The following PCSK5 variants were observed in gnomAD, a reference collection of about 807,000 sequenced individuals.
PCSK5 encodes the protein proprotein convertase subtilisin/kexin type 5.
Under a neutral mutation model 233.2 loss-of-function variants are expected in PCSK5, and 129 were observed. The observed-to-expected ratio is 0.55, with a 90% CI of 0.48 to 0.64. PCSK5 has a LOEUF of 0.64. Among genes scored for constraint, PCSK5 ranks in the 30% least tolerant of loss-of-function variants. The pLI, the probability that PCSK5 is intolerant of heterozygous loss-of-function variation, is 0.00. For synonymous variants in PCSK5, 825 were observed against 879.2 expected, an observed-to-expected ratio of 0.94 and a Z score of 1.09; for missense variants, 2,076 against 2,430.1, an observed-to-expected ratio of 0.85 and a Z score of 3.06.
chr9:76,174,512 G>A (rs528823186), intron 13 of PCSK5, among the ~76,000 whole-genome samples: 2 of 151,728 alleles, frequency 1.3e-5, no homozygotes, highest in East Asian at 1.9e-4. Flanking sequence ...GAGTTTCACC[G>A]TGTTAGCCAG....
At chr9:76,351,537 GA>G (rs1830158698) in intron 36 of PCSK5, among the ~76,000 whole-genome samples, 3 of 82,702 alleles carry the variant, frequency 3.6e-5, no homozygotes, top group East Asian at 1.1e-3. Context: ...AGAAAGGAAG[GA>G]AAGAAAGAGA....
intron 3 of PCSK5, among the ~76,000 whole-genome samples, chr9:76,021,490 C>A (rs1320446654): frequency 6.6e-6 from 1 of 152,074 alleles, no homozygotes; most frequent in Non-Finnish European, 1.5e-5. Context: ...AGAGAGAATT[C>A]GGGTTAGTAG....
rs183464586 is a variant in PCSK5 at position 76,323,060 on chromosome 9, C to G, written c.4111C>G (p.Pro1371Ala). The G allele has an allele frequency of 3.6e-5, 58 of 1,593,244 alleles. 1 individual carries two copies. The highest frequency in any genetic ancestry group is 1.9e-4 in the Admixed American group (11 of 57,908). ...CTTCCTCCTTTTCCCAGAGTGCACGCCTGAGTTCTTCCTGCACGATGATAT... is the reference window on the plus strand; with the variant it reads ...CTTCCTCCTTTTCCCAGAGTGCACGGCTGAGTTCTTCCTGCACGATGATAT... ...IHEKTCKECT[P>A]EFFLHDDMCH... Residue 1371 changes from proline to alanine, a missense_variant, in exon 32 of 38, where the codon CCT (proline) becomes GCT (alanine). Physicochemically the swap from Pro to Ala is conservative, Grantham distance 27. Coordinates refer to ENST00000674117, the MANE Select transcript of PCSK5 (RefSeq NM_001372043.1).
chr9:75,928,750 G>A (rs560615166), intron 1 of PCSK5, among the ~76,000 whole-genome samples: 2 of 151,004 alleles, frequency 1.3e-5, no homozygotes, highest in South Asian at 4.2e-4. Context: ...ATAAAGGGTA[G>A]AGATGTCTCA....
At chr9:76,175,407 T>C (rs1474054866) in intron 14 of PCSK5, 2 of 441,866 alleles carry the variant, frequency 4.5e-6, no homozygotes, top group African/African-American at 4.0e-5. Flanking sequence ...ATCAGTGCAC[T>C]CATATATTCA....
At chr9:75,939,066 T>A (rs1169950651) in intron 2 of PCSK5, among the ~76,000 whole-genome samples, 1 of 152,166 alleles carries the variant, frequency 6.6e-6, no homozygotes. Flanking sequence ...ATTCTTTACT[T>A]ACAAGGCTCC....
At chr9:76,329,726 G>C (rs776340037) in intron 33 of PCSK5, among the ~76,000 whole-genome samples, 3 of 151,876 alleles carry the variant, frequency 2.0e-5, no homozygotes, top group African/African-American at 2.4e-5. Context: ...CCAGCTACTC[G>C]GGAGGCTGAG....
rs550518074 is a variant in PCSK5, at chr9:75,994,400, C to CTTTTTTTTTTTTTTTTTTTTTTTTTTT, written c.411+8171_411+8197dup. Among the ~76,000 whole-genome samples the CTTTTTTTTTTTTTTTTTTTTTTTTTTT allele has an allele frequency of 1.2e-4, 10 of 82,058 alleles. 1 individual carries two copies. The highest frequency in any genetic ancestry group is 3.1e-4 in the Admixed American group (2 of 6,400). 53.8% of individuals were successfully genotyped at this position (82,058 alleles called of 152,430 possible). On this transcript the variant is annotated intron_variant, in intron 3 of 37. Coordinates refer to ENST00000674117, the MANE Select transcript of PCSK5 (RefSeq NM_001372043.1). ...GTTTCTTTCTTTTCTTTCTTTCTTT[C>CTTTTTTTTTTTTTTTTTTTTTTTTTTT]TTTTTTTTTTTTTTTTTTTTTTTTT...
chr9:76,110,235 A>AG (rs149333993), intron 9 of PCSK5, among the ~76,000 whole-genome samples: 22,302 of 152,186 alleles, frequency 0.15, 1,827 homozygotes, highest in African/African-American at 0.22. Flanking sequence ...ATGGCCTGCC[A>AG]GGGTTCATTC....
At chr9:76,268,799 C>T (rs921847225) in intron 24 of PCSK5, among the ~76,000 whole-genome samples, 4 of 152,150 alleles carry the variant, frequency 2.6e-5, no homozygotes, top group Non-Finnish European at 5.9e-5. Flanking sequence ...AACCTGTGAC[C>T]GTCCCACTGC....
chr9:75,971,028 C>T (rs935661625), intron 2 of PCSK5, among the ~76,000 whole-genome samples: 1 of 152,074 alleles, frequency 6.6e-6, no homozygotes, highest in Non-Finnish European at 1.5e-5. Context: ...AACCCATCAC[C>T]TAGGTATTAA....
chr9:76,302,113 AC>A, intron 27 of PCSK5, 23 bp from the exon 28 acceptor site: 3 of 1,187,556 alleles, frequency 2.5e-6, no homozygotes, highest in Non-Finnish European at 3.3e-6. Context: ...AAAAAACTAA[AC>A]ACTTTTTTTT....
intron 30 of PCSK5, among the ~76,000 whole-genome samples, chr9:76,311,505 G>A (rs1240462720): frequency 6.6e-6 from 1 of 152,032 alleles, no homozygotes; most frequent in Non-Finnish European, 1.5e-5. Context: ...ATAACACCTG[G>A]TTAGTTATTT....
chr9:76,107,502 A>T lies in PCSK5; in HGVS notation c.1208+151A>T, dbSNP rs12001112. ...AAAACTTCAAAGGTTTGGGCTTTTT[A>T]AAAAAAATTCCCCTATATTAAGAAG... On this transcript the variant is annotated intron_variant, in intron 9 of 37. Coordinates refer to ENST00000674117, the MANE Select transcript of PCSK5 (RefSeq NM_001372043.1). 3,544 of 487,714 alleles carry T rather than the reference A, an allele frequency of 7.3e-3. 101 individuals carry two copies. The highest frequency in any genetic ancestry group is 0.057 in the African/African-American group (2,962 of 51,776). The allele number at this position is 487,714 out of a possible 1,614,324, so 30.2% of individuals were successfully genotyped here. A position where few individuals can be genotyped will look rare whatever the true frequency, so the allele number is the denominator to read the frequency against.
At chr9:75,918,022 G>T (rs1415198246) in intron 1 of PCSK5, among the ~76,000 whole-genome samples, 1 of 152,158 alleles carries the variant, frequency 6.6e-6, no homozygotes, top group Non-Finnish European at 1.5e-5. Context: ...GAGGTGAACT[G>T]AGTTTTCCTC....
chr9:76,326,700 G>C (rs1178439322), intron 32 of PCSK5, among the ~76,000 whole-genome samples: 3 of 152,184 alleles, frequency 2.0e-5, no homozygotes, highest in South Asian at 4.1e-4. Context: ...AGGGGGGCCT[G>C]CTATGTGCCG....
chr9:76,194,875 T>C, intron 20 of PCSK5: 1 of 365,702 alleles, frequency 2.7e-6, no homozygotes. Flanking sequence ...TAGAAGATGC[T>C]GCTGGAGTCA....
At chr9:76,097,242 A>ATTTTT (rs1831562080) in intron 8 of PCSK5, among the ~76,000 whole-genome samples, 5 of 56,756 alleles carry the variant, frequency 8.8e-5, no homozygotes, top group African/African-American at 1.5e-4. Flanking sequence ...CAAAAAGTGC[A>ATTTTT]TTTCTTTTTT....
At chr9:75,899,723 C>T (rs535545504) in intron 1 of PCSK5, among the ~76,000 whole-genome samples, 21 of 152,150 alleles carry the variant, frequency 1.4e-4, no homozygotes, top group Admixed American at 8.5e-4. Flanking sequence ...AATTAGCACT[C>T]ATCATCAACC....
Sources: gnomAD v4.1 joint callset for allele counts (sites outside exome capture counted in the v4.1 genomes callset) on GRCh38, gnomAD v4.1.1 for gene constraint, MANE v1.5 for transcripts, NCBI Gene and HGNC (gene_info 2026-07-23, HGNC 2026-07-21) for gene names.